Variants in DISP1 observed in about 807,000 individuals in gnomAD.
DISP1 encodes protein dispatched homolog 1.
Under a neutral mutation model 37.3 loss-of-function variants are expected in DISP1, and 30 were observed. That is an observed-to-expected ratio of 0.80 (90% CI 0.60 to 1.09). The LOEUF (loss-of-function observed/expected upper bound fraction) is 1.09. DISP1 is among the 50% of genes least tolerant of loss of function. The pLI, the probability that DISP1 is intolerant of heterozygous loss-of-function variation, is 0.00. For missense variants in DISP1, 1,598 were observed against 1,879.5 expected (o/e 0.85, Z 2.77); for synonymous variants, 634 against 690.2 (o/e 0.92, Z 1.28).
In DISP1 at chr1:222,827,498, G is replaced by A. The variant is rs1020220204; in HGVS notation, c.-159+12420G>A. ...GCTTTTACTGAACACTTTAATTTTG[G>A]GAGTACAATTTCTAAACTCACGAAA... On this transcript the variant is annotated intron_variant, in intron 1 of 8. Transcript: ENST00000675850. 3.3e-5 allele frequency: 5 copies of A among 151,928 alleles called. No homozygotes were observed. The South Asian group carries it at 1.0e-3, about 32-fold the overall frequency. 9.4% of individuals were successfully genotyped at this position (151,928 alleles called of 1,614,324 possible). A position where few individuals can be genotyped will look rare whatever the true frequency, so the allele number is the denominator to read the frequency against.
intron 1 of DISP1, among the ~76,000 whole-genome samples, chr1:222,890,616 C>T (rs1044231446): frequency 2.6e-5 from 4 of 152,126 alleles, no homozygotes; most frequent in African/African-American, 9.7e-5. Context: ...TGAGCTACAA[C>T]TAGGTGTTAG....
chr1:222,877,815 G>A (rs1281389589), intron 1 of DISP1, among the ~76,000 whole-genome samples: 1 of 152,174 alleles, frequency 6.6e-6, no homozygotes, highest in South Asian at 2.1e-4. Context: ...AGAGCCTTGG[G>A]GCTGGTTTTT....
At chr1:222,871,163 G>A (rs564427811) in intron 1 of DISP1, among the ~76,000 whole-genome samples, 99 of 152,100 alleles carry the variant, frequency 6.5e-4, no homozygotes, top group African/African-American at 2.3e-3. Context: ...TCTGTTTTGG[G>A]ACCAGTACCA....
intron 1 of DISP1, among the ~76,000 whole-genome samples, chr1:222,923,263 G>A (rs1037307201): frequency 5.3e-5 from 8 of 152,192 alleles, no homozygotes; most frequent in African/African-American, 1.7e-4. Context: ...TGTCCAGTAA[G>A]ACTGTCTGTA....
chr1:222,943,979 G>A (rs1414788078), intron 3 of DISP1, among the ~76,000 whole-genome samples: 3 of 151,252 alleles, frequency 2.0e-5, no homozygotes, highest in South Asian at 2.1e-4. Flanking sequence ...GTGGTGAGCC[G>A]AGATCACACC....
chr1:222,896,802 A>G, intron 1 of DISP1, among the ~76,000 whole-genome samples: 1 of 152,234 alleles, frequency 6.6e-6, no homozygotes, highest in East Asian at 1.9e-4. Context: ...TGGAAAGATG[A>G]GCATCATCAT....
chr1:222,882,548 G>A (rs1461631034), intron 1 of DISP1, among the ~76,000 whole-genome samples: 3 of 152,120 alleles, frequency 2.0e-5, no homozygotes, highest in South Asian at 4.1e-4. Context: ...CAAATTTGCA[G>A]GTTAATTTAA....
chr1:222,865,800 TACACAC>T (rs1393220432), intron 1 of DISP1, among the ~76,000 whole-genome samples: 1 of 152,068 alleles, frequency 6.6e-6, no homozygotes, highest in African/African-American at 2.4e-5. Flanking sequence ...CACACACAGA[TACACAC>T]ACACATACAC....
chr1:222,981,685 C>T (rs1223046847), intron 3 of DISP1, among the ~76,000 whole-genome samples: 3 of 152,086 alleles, frequency 2.0e-5, no homozygotes, highest in African/African-American at 7.2e-5. Context: ...TTTAGATCTT[C>T]AAGAAATTCC....
intron 2 of DISP1, among the ~76,000 whole-genome samples, chr1:222,937,097 A>G (rs1572557315): frequency 7.4e-6 from 1 of 134,528 alleles, no homozygotes; most frequent in South Asian, 2.2e-4. Flanking sequence ...CAGTTTATAT[A>G]TATATATTTT....
intron 1 of DISP1, among the ~76,000 whole-genome samples, chr1:222,819,552 T>TA (rs1662243670): frequency 6.6e-6 from 1 of 150,706 alleles, no homozygotes; most frequent in Admixed American, 6.6e-5. Flanking sequence ...TTTTTTTTTT[T>TA]TTTTTGACAC....
intron 1 of DISP1, among the ~76,000 whole-genome samples, chr1:222,831,372 G>A (rs958917450): frequency 6.6e-6 from 1 of 152,148 alleles, no homozygotes; most frequent in South Asian, 2.1e-4. Context: ...TGAATAATAA[G>A]TGTATCTTAA....
chr1:222,953,405 A>T (rs977767090), intron 3 of DISP1, among the ~76,000 whole-genome samples: 2 of 152,182 alleles, frequency 1.3e-5, no homozygotes, highest in African/African-American at 2.4e-5. Flanking sequence ...AAATAAAGAC[A>T]TGATGTGTTC....
chr1:222,853,437 T>C (rs1284381301), intron 1 of DISP1, among the ~76,000 whole-genome samples: 5 of 152,170 alleles, frequency 3.3e-5, no homozygotes, highest in African/African-American at 1.2e-4. Context: ...GAGACATTTG[T>C]ACCCCCATAT....
intron 1 of DISP1, among the ~76,000 whole-genome samples, chr1:222,841,070 A>G (rs1329994018): frequency 6.6e-6 from 1 of 152,184 alleles, no homozygotes; most frequent in Admixed American, 6.5e-5. Flanking sequence ...AGTGCCAGAC[A>G]TATAAAATGC....
chr1:222,949,121 T>TAATAAAATTAA (rs1252586879), intron 3 of DISP1, among the ~76,000 whole-genome samples: 1 of 152,098 alleles, frequency 6.6e-6, no homozygotes, highest in Non-Finnish European at 1.5e-5. Context: ...AGGCCAGGCG[T>TAATAAAATTAA]GGTGGCTTGA....
At chr1:222,962,981 AGT>A (rs1676178592) in intron 3 of DISP1, among the ~76,000 whole-genome samples, 1 of 152,248 alleles carries the variant, frequency 6.6e-6, no homozygotes, top group Non-Finnish European at 1.5e-5. Context: ...CTATCACCAG[AGT>A]GAACAGGCAA....
At chr1:222,834,155 G>A (rs149155840) in intron 1 of DISP1, among the ~76,000 whole-genome samples, 3 of 151,964 alleles carry the variant, frequency 2.0e-5, no homozygotes, top group African/African-American at 7.2e-5. Flanking sequence ...TTATTTCTAA[G>A]TTTCAAAACT....
chr1:223,002,005 T>C (rs1236560561), intron 8 of DISP1, among the ~76,000 whole-genome samples: 1 of 152,230 alleles, frequency 6.6e-6, no homozygotes, highest in Non-Finnish European at 1.5e-5. Flanking sequence ...TATGCATGTA[T>C]ATACATAAGC....
Sources: allele counts gnomAD v4.1 joint callset (sites outside exome capture counted in the v4.1 genomes callset), GRCh38; gene constraint gnomAD v4.1.1; transcripts MANE v1.5; gene names NCBI Gene and HGNC (gene_info 2026-07-23, HGNC 2026-07-21).